Variants in XRN1 observed in about 807,000 individuals in gnomAD.
The protein encoded by XRN1 is strand-exchange protein 1 homolog.
XRN1 carries 67 observed loss-of-function variants against 222.3 expected under a neutral mutation model. That is an observed-to-expected ratio of 0.30 (90% confidence interval 0.25 to 0.37). XRN1 has a LOEUF of 0.37. Among genes scored for constraint, XRN1 ranks in the 10% least tolerant of loss-of-function variants. The pLI is 1.00. For synonymous variants in XRN1, 643 were observed against 652.4 expected (o/e 0.99, Z 0.22); for missense variants, 1,707 against 2,000.2 (o/e 0.85, Z 2.80).
intron 1 of XRN1, among the ~76,000 whole-genome samples, chr3:142,443,789 T>C (rs1318826727): frequency 1.3e-5 from 2 of 152,270 alleles, no homozygotes; most frequent in African/African-American, 4.8e-5. Flanking sequence ...CCTTTGTTTG[T>C]TGCTGTACTG....
intron 32 of XRN1, among the ~76,000 whole-genome samples, chr3:142,349,410 C>G (rs1455584255): frequency 1.3e-5 from 2 of 152,038 alleles, no homozygotes; most frequent in Non-Finnish European, 2.9e-5. Flanking sequence ...GTCTGAGTGT[C>G]TTCTATGTGC....
chr3:142,330,562 G>A (rs2065665262), intron 36 of XRN1, among the ~76,000 whole-genome samples: 3 of 150,572 alleles, frequency 2.0e-5, no homozygotes, highest in South Asian at 4.2e-4. Flanking sequence ...TGGATTCTGA[G>A]CTAGTGACCC....
chr3:142,354,749 T>G (rs563204335), intron 32 of XRN1, among the ~76,000 whole-genome samples: 8 of 152,108 alleles, frequency 5.3e-5, no homozygotes, highest in Non-Finnish European at 1.2e-4. Flanking sequence ...CAGGCTGGTC[T>G]CGAACTCCTG....
intron 37 of XRN1, among the ~76,000 whole-genome samples, chr3:142,319,504 G>GT (rs1306416875): frequency 1.3e-5 from 2 of 151,970 alleles, no homozygotes; most frequent in Admixed American, 1.3e-4. Context: ...AAAAAAGCTT[G>GT]TTTTGTTTTG....
chr3:142,348,087 T>G (rs2066199728), intron 32 of XRN1, among the ~76,000 whole-genome samples: 1 of 151,802 alleles, frequency 6.6e-6, no homozygotes, highest in Admixed American at 6.6e-5. Flanking sequence ...GGGAAATGAG[T>G]AGGGGTTATA....
At chr3:142,416,907 C>G (rs2068809083) in intron 13 of XRN1, among the ~76,000 whole-genome samples, 1 of 151,432 alleles carries the variant, frequency 6.6e-6, no homozygotes, top group Non-Finnish European at 1.5e-5. Flanking sequence ...TGGCGCATGC[C>G]TGTAATCCCA....
rs192607296 is a variant in XRN1 at position 142,395,296 on chromosome 3, T to C, written c.2339+2033A>G. Among the ~76,000 whole-genome samples the C allele has an allele frequency of 1.0e-3, 153 of 152,262 alleles. 1 individual carries two copies. The highest frequency in any genetic ancestry group is 3.5e-3 in the African/African-American group (144 of 41,554). On this transcript the variant is annotated intron_variant, in intron 20 of 40. Coordinates refer to ENST00000392981, the MANE Select transcript of XRN1 (RefSeq NM_001282857.2). ...AGCAAAGAAAAGCAGTCTAAGAAAA[T>C]GGTGACCAGAATAAAATAAACCTAA...
chr3:142,332,394 A>G lies in XRN1; in HGVS notation c.4203T>C (p.Pro1401=), dbSNP rs1444366672. ...RRDEYGLPSQ[P]KQNKKLASYM... is the part of the protein sequence containing the mutation. ...ACTTACCTAATTTCTTATTTTGTTT[A>G]GGCTGAGAGGGTAATCCATATTCAT... The change falls in exon 36 of 41, where the codon CCT becomes CCC. Residue 1401 remains proline, a synonymous_variant. Transcript: ENST00000392981. 6.2e-7 allele frequency: 1 copy of G among 1,602,840 alleles called. No individual in the cohort carries two copies. Among genetic ancestry groups the G allele is most frequent in the Admixed American group, 1.7e-5 (1 of 57,752 alleles).
chr3:142,447,638 C>A lies in XRN1; in HGVS notation c.75+232G>T, dbSNP rs2070583609. ...GCGGAAGGACCAGCAGAAGCAAGAG[C>A]TGTCAGAGAAGCCGTGAACCCAGCG... is the stretch of plus-strand genomic sequence containing the variant. On this transcript the variant is annotated intron_variant, in intron 1 of 40. Transcript: ENST00000392981. This position sits in a 1 kb window ranked among gnomAD's most constrained non-coding sequence, Gnocchi z 4.2. Among the ~76,000 whole-genome samples, 1 of 152,234 alleles carries A rather than the reference C, an allele frequency of 6.6e-6. No homozygotes were observed. The highest frequency in any genetic ancestry group is 2.4e-5 in the African/African-American group (1 of 41,464).
intron 24 of XRN1, 150 bp from the exon 25 acceptor site, chr3:142,376,094 T>C (rs1003553379): frequency 9.8e-6 from 13 of 1,322,502 alleles, no homozygotes; most frequent in Middle Eastern, 5.6e-4. Flanking sequence ...TTAGTTATTA[T>C]GGTTATTTCC....
At chr3:142,366,684 A>G (rs1009261431) in intron 27 of XRN1, among the ~76,000 whole-genome samples, 3 of 152,306 alleles carry the variant, frequency 2.0e-5, no homozygotes, top group South Asian at 4.1e-4. Context: ...ATGACAAAGT[A>G]TCTATGCCCA....
At position 142,323,634 on chromosome 3, in the gene XRN1, A is replaced by T. The variant is rs1301155889; in HGVS notation, c.4405-4731T>A. 2.0e-5 allele frequency among the ~76,000 whole-genome samples: 3 copies of T among 152,356 alleles called. No homozygotes were observed. In the East Asian group the frequency reaches 5.8e-4, roughly 29 times the overall value. On this transcript the variant is annotated intron_variant, in intron 37 of 40. Transcript: ENST00000392981. ...ACTAGGGATTGACAGTATTAAGCAGACAGGAGAATCTAGCTTCTCCTATTA... is the reference window on the plus strand; with the variant it reads ...ACTAGGGATTGACAGTATTAAGCAGTCAGGAGAATCTAGCTTCTCCTATTA...
chr3:142,354,275 A>G (rs2066397658), intron 32 of XRN1, among the ~76,000 whole-genome samples: 1 of 152,120 alleles, frequency 6.6e-6, no homozygotes, highest in African/African-American at 2.4e-5. Context: ...TCAAAAAATA[A>G]CGGATGCTGG....
intron 33 of XRN1, among the ~76,000 whole-genome samples, chr3:142,344,745 A>G (rs1424833185): frequency 4.6e-5 from 7 of 152,220 alleles, no homozygotes; most frequent in African/African-American, 1.7e-4. Context: ...ATGGAAAGAA[A>G]TTAAAGACCG....
chr3:142,380,342 T>C (rs551504201), intron 22 of XRN1, among the ~76,000 whole-genome samples, 162 bp from the exon 23 acceptor site: 44 of 152,376 alleles, frequency 2.9e-4, no homozygotes, highest in Non-Finnish European at 5.0e-4. Context: ...TTTGAGTCAC[T>C]GTATCGTTGC....
intron 27 of XRN1, among the ~76,000 whole-genome samples, chr3:142,368,860 C>T (rs556680238): frequency 1.3e-5 from 2 of 152,266 alleles, no homozygotes; most frequent in Non-Finnish European, 2.9e-5. Flanking sequence ...TTAATAAAAA[C>T]ATCTAAGCAT....
chr3:142,433,653 C>G (rs1319713153), intron 1 of XRN1, among the ~76,000 whole-genome samples: 1 of 151,992 alleles, frequency 6.6e-6, no homozygotes, highest in Non-Finnish European at 1.5e-5. Context: ...ATTACTGAAA[C>G]AAATACACAT....
chr3:142,311,467 G>A lies in XRN1; in HGVS notation c.*44C>T, dbSNP rs748164980. 2.7e-5 allele frequency: 40 copies of A among 1,471,398 alleles called. No individual in the cohort carries two copies. The South Asian group carries it at 5.2e-4, about 19-fold the overall frequency. 91.1% of individuals were successfully genotyped at this position (1,471,398 alleles called of 1,614,324 possible). A position where few individuals can be genotyped will look rare whatever the true frequency, so the allele number is the denominator to read the frequency against. ...GACATAGATATGTATTTATAAAAAG[G>A]TAGATGGAAAGAGAAGAAATTAACT... On this transcript the variant is annotated 3_prime_UTR_variant, in exon 41 of 41. Coordinates refer to ENST00000392981, the MANE Select transcript of XRN1 (RefSeq NM_001282857.2).
At chr3:142,400,326 G>T in intron 19 of XRN1, 118 bp downstream of exon 19, 1 of 738,092 alleles carries the variant, frequency 1.4e-6, no homozygotes, top group Non-Finnish European at 2.1e-6. Flanking sequence ...TTCATTTTTG[G>T]TACAGAGTGT....
Sources: allele counts gnomAD v4.1 joint callset (sites outside exome capture counted in the v4.1 genomes callset), GRCh38; gene constraint gnomAD v4.1.1; non-coding constraint Gnocchi (gnomAD v3.1); transcripts MANE v1.5; gene names NCBI Gene and HGNC (gene_info 2026-07-23, HGNC 2026-07-21).